The following C14orf132 variants were observed in gnomAD, a reference collection of about 807,000 sequenced individuals.
The protein encoded by C14orf132 is uncharacterized protein C14orf132.
Under a neutral mutation model 5.8 loss-of-function variants are expected in C14orf132, and 6 were observed. The ratio of observed to expected loss-of-function variants is 1.03; its 90% CI spans 0.57 to 2.04. C14orf132 has a LOEUF of 2.04. C14orf132 is among the 30% of genes most tolerant of loss of function. The probability of loss-of-function intolerance (pLI) is 0.00; values close to 1 mark genes in which losing one functional copy is unlikely to be tolerated. For synonymous variants in C14orf132, 51 were observed against 49.8 expected, an observed-to-expected ratio of 1.02 and a Z score of -0.10; for missense variants, 125 against 115.8, an observed-to-expected ratio of 1.08 and a Z score of -0.37.
At chr14:96,041,752 G>A (rs1440764649) in intron 1 of C14orf132, among the ~76,000 whole-genome samples, 1 of 152,222 alleles carries the variant, frequency 6.6e-6, no homozygotes, top group African/African-American at 2.4e-5. Flanking sequence ...CGAAATGTTG[G>A]TGCATCCATC....
At chr14:96,057,139 A>G (rs1887207810) in intron 1 of C14orf132, among the ~76,000 whole-genome samples, 1 of 152,240 alleles carries the variant, frequency 6.6e-6, no homozygotes, top group African/African-American at 2.4e-5. Context: ...CAATGGTATT[A>G]TCCCAGTCAG....
At chr14:96,070,614 A>ACACG (rs1887681628) in intron 1 of C14orf132, among the ~76,000 whole-genome samples, 1 of 151,138 alleles carries the variant, frequency 6.6e-6, no homozygotes, top group Non-Finnish European at 1.5e-5. Context: ...ACACACACAC[A>ACACG]CACACACACA....
At chr14:96,058,631 G>A (rs1247520642) in intron 1 of C14orf132, among the ~76,000 whole-genome samples, 2 of 152,176 alleles carry the variant, frequency 1.3e-5, no homozygotes, top group Admixed American at 6.5e-5. Context: ...GATTAAAAGT[G>A]ATGTTGGAAA....
At chr14:96,049,871 A>G (rs1040461586) in intron 1 of C14orf132, among the ~76,000 whole-genome samples, 3 of 150,694 alleles carry the variant, frequency 2.0e-5, no homozygotes, top group African/African-American at 7.3e-5. Flanking sequence ...ATCTGCTATT[A>G]ATAATAGCCC....
At chr14:96,061,648 G>A (rs1223495477) in intron 1 of C14orf132, among the ~76,000 whole-genome samples, 1 of 152,196 alleles carries the variant, frequency 6.6e-6, no homozygotes, top group Non-Finnish European at 1.5e-5. Context: ...TCTCAGGACA[G>A]GTGCAGTGGC....
At chr14:96,062,513 T>C (rs1218653602) in intron 1 of C14orf132, among the ~76,000 whole-genome samples, 2 of 152,150 alleles carry the variant, frequency 1.3e-5, no homozygotes, top group African/African-American at 4.8e-5. Flanking sequence ...ATTGCAGCCC[T>C]CCACATGTGT....
At chr14:96,079,358 A>C (rs1340423628) in intron 1 of C14orf132, among the ~76,000 whole-genome samples, 10 of 152,324 alleles carry the variant, frequency 6.6e-5, no homozygotes, top group Middle Eastern at 3.4e-3. Flanking sequence ...CTGATTCTGC[A>C]GCTCTTATAA....
intron 1 of C14orf132, among the ~76,000 whole-genome samples, chr14:96,073,995 C>T (rs1348224126): frequency 6.6e-6 from 1 of 152,112 alleles, no homozygotes; most frequent in Non-Finnish European, 1.5e-5. Flanking sequence ...TATGAAAACA[C>T]GTGGACACAT....
chr14:96,076,254 T>C (rs1887861782), intron 1 of C14orf132, among the ~76,000 whole-genome samples: 1 of 152,240 alleles, frequency 6.6e-6, no homozygotes, highest in African/African-American at 2.4e-5. Flanking sequence ...TTGCTGTCAG[T>C]AATATCTGTG....
At chr14:96,078,049 C>A (rs12887241) in intron 1 of C14orf132, among the ~76,000 whole-genome samples, 11 of 152,258 alleles carry the variant, frequency 7.2e-5, no homozygotes, top group African/African-American at 2.4e-4. Context: ...CCTCTGGCTG[C>A]AAAGCCTGCG....
At chr14:96,061,871 C>A (rs940943106) in intron 1 of C14orf132, among the ~76,000 whole-genome samples, 3 of 152,260 alleles carry the variant, frequency 2.0e-5, no homozygotes, top group African/African-American at 7.2e-5. Context: ...GATCACACAA[C>A]TGCATTCAGC....
chr14:96,039,461 C>A lies in C14orf132; in HGVS notation c.-40C>A. ...GCAGGCGGCTGACCCGCAGCGGCAG[C>A]GGCAGCAGCGAGGACTCGAGCGCTG... On this transcript the variant is annotated 5_prime_UTR_variant, in exon 1 of 2. Coordinates refer to ENST00000555004, the MANE Select transcript of C14orf132 (RefSeq NM_001252507.3). This position sits in a 1 kb window ranked among gnomAD's most constrained non-coding sequence, Gnocchi z 5.3. The A allele has an allele frequency of 6.7e-7, 1 of 1,484,790 alleles. No individual in the cohort carries two copies. Among genetic ancestry groups the A allele is most frequent in the African/African-American group, 1.4e-5 (1 of 69,422 alleles). 92.0% of individuals were successfully genotyped at this position (1,484,790 alleles called of 1,614,324 possible).
intron 1 of C14orf132, among the ~76,000 whole-genome samples, chr14:96,067,647 G>A (rs142956904): frequency 3.3e-5 from 5 of 151,580 alleles, no homozygotes; most frequent in Middle Eastern, 3.2e-3. Flanking sequence ...TGCTGTGAGC[G>A]GAGATCAGGC....
intron 1 of C14orf132, among the ~76,000 whole-genome samples, chr14:96,049,611 C>CATATATACGTATATATAT (rs1566823857): frequency 1.1e-4 from 10 of 89,158 alleles, no homozygotes; most frequent in African/African-American, 3.8e-4. Context: ...TATATATATA[C>CATATATACGTATATATAT]ATATATACGT....
At chr14:96,077,795 T>A (rs978846839) in intron 1 of C14orf132, among the ~76,000 whole-genome samples, 2 of 152,246 alleles carry the variant, frequency 1.3e-5, no homozygotes, top group Non-Finnish European at 2.9e-5. Context: ...TGGTTGCATG[T>A]CGTTTGGGTG....
intron 1 of C14orf132, among the ~76,000 whole-genome samples, chr14:96,083,035 T>C (rs1222859337): frequency 2.0e-5 from 3 of 152,200 alleles, no homozygotes; most frequent in Non-Finnish European, 4.4e-5. Context: ...CGTCCCACAC[T>C]GACCATCCTC....
chr14:96,077,517 G>A (rs1887905496), intron 1 of C14orf132, among the ~76,000 whole-genome samples: 1 of 152,182 alleles, frequency 6.6e-6, no homozygotes, highest in Non-Finnish European at 1.5e-5. Flanking sequence ...GGAAGACCAT[G>A]TGAAGACACA....
intron 1 of C14orf132, among the ~76,000 whole-genome samples, chr14:96,061,103 G>T (rs185031434): frequency 2.2e-4 from 33 of 151,850 alleles, no homozygotes; most frequent in African/African-American, 7.8e-4. Context: ...CCATTTCCCT[G>T]GTGCTGGGCT....
chr14:96,062,405 A>T lies in C14orf132; in HGVS notation c.27+22878A>T, dbSNP rs958215543. The stretch of plus-strand genomic sequence containing the variant: ...CACCAGCTCCAAATGCTCCCCATTA[A>T]TCAAGAAAGAAAACAAAAAGGACCA... On this transcript the variant is annotated intron_variant, in intron 1 of 1. Transcript: ENST00000555004. 2.0e-5 allele frequency among the ~76,000 whole-genome samples: 3 copies of T among 152,168 alleles called. No individual in the cohort carries two copies. The East Asian group carries it at 5.8e-4, about 29-fold the overall frequency.
Sources: allele counts gnomAD v4.1 joint callset (sites outside exome capture counted in the v4.1 genomes callset), GRCh38; gene constraint gnomAD v4.1.1; non-coding constraint Gnocchi (gnomAD v3.1); transcripts MANE v1.5; gene names NCBI Gene and HGNC (gene_info 2026-07-23, HGNC 2026-07-21).